Variants in HYDIN observed in about 807,000 individuals in gnomAD.
HYDIN encodes the protein HYDIN axonemal central pair apparatus protein, also known as axonemal central pair apparatus protein HYDIN.
A neutral mutation model predicts 403.9 loss-of-function variants in HYDIN; 132 were observed. The ratio of observed to expected loss-of-function variants is 0.33; its 90% CI spans 0.28 to 0.38. The LOEUF (loss-of-function observed/expected upper bound fraction) is 0.38. Ranked by LOEUF, HYDIN falls within the 10% of genes least tolerant of loss-of-function variation. The pLI, the probability that HYDIN is intolerant of heterozygous loss-of-function variation, is 1.00. For missense variants in HYDIN, 2,827 were observed against 5,009.5 expected, an observed-to-expected ratio of 0.56 and a Z score of 13.15; for synonymous variants, 1,202 against 1,891.7, an observed-to-expected ratio of 0.64 and a Z score of 9.46.
At chr16:71,067,076 T>G in intron 15 of HYDIN, 1 of 611,728 alleles carries the variant, frequency 1.6e-6, no homozygotes. Context: ...CTGCCTAAAC[T>G]CTACAAAACA....
chr16:70,898,904 C>T (rs372807670), intron 53 of HYDIN, among the ~76,000 whole-genome samples: 6 of 151,778 alleles, frequency 4.0e-5, no homozygotes, highest in East Asian at 1.9e-4. Flanking sequence ...CCACCACATC[C>T]GGCTAATTTT....
At chr16:70,819,974 ATTTTTTT>A (rs56879257) in intron 83 of HYDIN, among the ~76,000 whole-genome samples, 12 of 123,216 alleles carry the variant, frequency 9.7e-5, no homozygotes, top group African/African-American at 3.3e-4. Flanking sequence ...CGCCTGGCTA[ATTTTTTT>A]TTTTTTTTTT....
At chr16:71,153,590 C>A (rs1194002864) in intron 6 of HYDIN, among the ~76,000 whole-genome samples, 1 of 151,812 alleles carries the variant, frequency 6.6e-6, no homozygotes, top group Non-Finnish European at 1.5e-5. Flanking sequence ...CACATCCCCT[C>A]CCATCTCATT....
In HYDIN at chr16:70,868,776, G is replaced by C. The variant is rs375683206; in HGVS notation, c.11104C>G (p.His3702Asp). 5.6e-6 allele frequency: 9 copies of C among 1,613,906 alleles called. No individual in the cohort carries two copies. The highest frequency in any genetic ancestry group is 7.6e-6 in the Non-Finnish European group (9 of 1,179,944). Residue 3702 changes from histidine (H) to aspartate (D), a missense_variant, in exon 66 of 86, where the codon CAC becomes GAC. Transcript: ENST00000393567. ...IAFSPQMGHLHPGCAKDIVVT... is the reference protein window; with the variant it reads ...IAFSPQMGHLDPGCAKDIVVT... ...ACTATGTCCTTGGCACACCCAGGGT[G>C]GAGGTGGCCCATCTAGGAAAGAGCC...
At chr16:71,149,728 A>G (rs373798915) in intron 7 of HYDIN, among the ~76,000 whole-genome samples, 1 of 152,016 alleles carries the variant, frequency 6.6e-6, no homozygotes, top group Admixed American at 6.6e-5. Flanking sequence ...TGGTTTCACC[A>G]TGTTGCCCAG....
At chr16:70,841,577 T>C (rs528938407) in intron 75 of HYDIN, among the ~76,000 whole-genome samples, 2 of 152,182 alleles carry the variant, frequency 1.3e-5, no homozygotes, top group African/African-American at 4.8e-5. Flanking sequence ...TGTGATGGTA[T>C]TGGGAAGTGG....
rs560826268 is a variant in HYDIN at position 71,133,615 on chromosome 16, G to T, written c.1043+3536C>A. 2.2e-4 allele frequency among the ~76,000 whole-genome samples: 34 copies of T among 152,318 alleles called. No homozygotes were observed. The South Asian group carries it at 6.6e-3, about 30-fold the overall frequency. ...GGAGCTCTTGTACAGAGCAAATCTA[G>T]AATTAGAGCTGGCTGCTATTGAGAA... On this transcript the variant is annotated intron_variant, in intron 8 of 85. Coordinates refer to ENST00000393567, the MANE Select transcript of HYDIN (RefSeq NM_001270974.2).
chr16:71,197,624 G>T (rs765295374), intron 1 of HYDIN, among the ~76,000 whole-genome samples: 7 of 152,152 alleles, frequency 4.6e-5, no homozygotes, highest in Non-Finnish European at 7.4e-5. Context: ...AATCACCGAG[G>T]TTAAGAAACA....
chr16:71,161,016 A>G (rs952297785), intron 6 of HYDIN, among the ~76,000 whole-genome samples: 1 of 81,812 alleles, frequency 1.2e-5, no homozygotes, highest in Non-Finnish European at 2.4e-5. Flanking sequence ...ATTCAAGCAC[A>G]TTACATTTAT....
In HYDIN at chr16:71,175,841, T is replaced by A. The variant is rs767529010; in HGVS notation, c.382-100A>T. Reference sequence around the variant, plus strand: ...CTACTTACTAGACGTGTGACCTTGGTCAGGTCTGAACTTCAGTCTTCTCAA... The same window carrying A: ...CTACTTACTAGACGTGTGACCTTGGACAGGTCTGAACTTCAGTCTTCTCAA... On this transcript the variant is annotated intron_variant, in intron 4 of 85. Transcript: ENST00000393567. 6 of 1,232,436 alleles carry A rather than the reference T, an allele frequency of 4.9e-6. No individual in the cohort carries two copies. In the Admixed American group the frequency reaches 1.0e-4, roughly 21 times the overall value. 76.3% of individuals were successfully genotyped at this position (1,232,436 alleles called of 1,614,324 possible).
intron 62 of HYDIN, among the ~76,000 whole-genome samples, chr16:70,878,348 T>C (rs1397650178): frequency 7.0e-6 from 1 of 143,450 alleles, no homozygotes; most frequent in Admixed American, 7.0e-5. Context: ...ATGTCTTTAT[T>C]GGTAGCATGA....
chr16:71,118,082 C>A (rs1398904778), intron 9 of HYDIN, among the ~76,000 whole-genome samples: 2 of 152,078 alleles, frequency 1.3e-5, no homozygotes. Context: ...CTGTGACCCC[C>A]TCTGGGCTGT....
Position 70,896,060 on chromosome 16 carries a change from A to C in HYDIN, c.9069T>G (p.Leu3023=). ...IRLEVLDAEN[L]LGVVQIENIM... is the part of the protein sequence containing the mutation. ...TATTTTCAATCTGAACAACACCAAG[A>C]AGATTTTCTGCATCTAAAACCTGGC... The change falls in exon 54 of 86, where the codon CTT becomes CTG. Residue 3023 remains leucine, a synonymous_variant. Transcript: ENST00000393567. 6.2e-7 allele frequency: 1 copy of C among 1,613,564 alleles called. No individual in the cohort carries two copies. Among genetic ancestry groups the C allele is most frequent in the Non-Finnish European group, 8.5e-7 (1 of 1,179,890 alleles).
At position 70,981,375 on chromosome 16, in the gene HYDIN, C is replaced by T; in HGVS notation, c.4510+16G>A. The T allele has an allele frequency of 6.2e-7, 1 of 1,607,972 alleles. No individual in the cohort carries two copies. Among genetic ancestry groups the T allele is most frequent in the South Asian group, 1.1e-5 (1 of 90,180 alleles). On this transcript the variant is annotated intron_variant, in intron 29 of 85. Transcript: ENST00000393567. ...TTTTGTCCCCAGTGGGGAACTACTC[C>T]AGTGTGAAGTACTACCTGTGAGGTT...
chr16:71,204,023 C>A, intron 1 of HYDIN: 1 of 260,930 alleles, frequency 3.8e-6, no homozygotes. Context: ...TGGGATCTTG[C>A]CAATGCACTC....
In HYDIN at chr16:70,810,022, A is replaced by T; in HGVS notation, c.14659-15T>A. 1 of 1,612,338 alleles carries T rather than the reference A, an allele frequency of 6.2e-7. No homozygotes were observed. The highest frequency in any genetic ancestry group is 1.1e-5 in the South Asian group (1 of 91,056). ...GAGAACGTGCCCTGGAAGAGAAAAC[A>T]GAGGATCCTGTCATGCTGAAAGGCT... On this transcript the variant is annotated splice_polypyrimidine_tract_variant and intron_variant, in intron 84 of 85. Coordinates refer to ENST00000393567, the MANE Select transcript of HYDIN (RefSeq NM_001270974.2).
chr16:71,075,193 C>T (rs1193376995), intron 13 of HYDIN, among the ~76,000 whole-genome samples: 4 of 151,966 alleles, frequency 2.6e-5, no homozygotes, highest in Non-Finnish European at 4.4e-5. Context: ...TCTGCAGTGT[C>T]TTCTGGCCTC....
At chr16:71,130,008 T>G (rs1166623966) in intron 8 of HYDIN, among the ~76,000 whole-genome samples, 185 bp from the exon 9 acceptor site, 1 of 152,050 alleles carries the variant, frequency 6.6e-6, no homozygotes, top group Non-Finnish European at 1.5e-5. Flanking sequence ...AGCCTCTGTT[T>G]GCTCATCTTC....
At chr16:70,937,748 T>C (rs1468539058) in intron 44 of HYDIN, among the ~76,000 whole-genome samples, 1 of 141,236 alleles carries the variant, frequency 7.1e-6, no homozygotes, top group African/African-American at 2.6e-5. Context: ...GTGGGAGAAG[T>C]GTGGAGCTGG....
Sources: gnomAD v4.1 joint callset for allele counts (sites outside exome capture counted in the v4.1 genomes callset) on GRCh38, gnomAD v4.1.1 for gene constraint, MANE v1.5 for transcripts, NCBI Gene and HGNC (gene_info 2026-07-23, HGNC 2026-07-21) for gene names.